GLIPR1L1: variants seen among roughly 807,000 people sequenced by gnomAD.
GLIPR1L1 encodes the protein GLIPR1-like protein 1.
GLIPR1L1 carries 26 observed loss-of-function variants against 29.9 expected under a neutral mutation model. The ratio of observed to expected loss-of-function variants is 0.87; its 90% CI spans 0.64 to 1.21. The LOEUF (loss-of-function observed/expected upper bound fraction) is 1.21, where lower values mean the gene tolerates loss of function less well. GLIPR1L1 is among the 50% of genes most tolerant of loss of function. GLIPR1L1 has a pLI of 0.00. For synonymous variants in GLIPR1L1, 77 were observed against 97.5 expected (o/e 0.79, Z 1.24); for missense variants, 305 against 290.3 (o/e 1.05, Z -0.37).
chr12:75,370,050 CTT>C (rs771237252), intron 5 of GLIPR1L1, 33 bp from the exon 6 acceptor site: 187 of 1,375,170 alleles, frequency 1.4e-4, no homozygotes, highest in Non-Finnish European at 3.0e-5. Context: ...CAATTGAACT[CTT>C]AACTATTCTG....
intron 1 of GLIPR1L1, among the ~76,000 whole-genome samples, chr12:75,341,974 C>A (rs1310643179): frequency 2.0e-5 from 3 of 152,038 alleles, no homozygotes; most frequent in African/African-American, 4.8e-5. Flanking sequence ...ATCTCCTGAC[C>A]TCAGGTGATC....
chr12:75,357,086 A>T (rs1209486460), intron 3 of GLIPR1L1, among the ~76,000 whole-genome samples: 1 of 152,302 alleles, frequency 6.6e-6, no homozygotes, highest in African/African-American at 2.4e-5. Flanking sequence ...GTTACTCAGG[A>T]GGCTGAGGTG....
chr12:75,362,251 C>A (rs1187246723), intron 3 of GLIPR1L1, among the ~76,000 whole-genome samples: 3 of 152,062 alleles, frequency 2.0e-5, no homozygotes, highest in Non-Finnish European at 2.9e-5. Flanking sequence ...CAAATACACA[C>A]ATTAAAATGC....
chr12:75,350,229 A>G (rs1285110537), intron 3 of GLIPR1L1, among the ~76,000 whole-genome samples: 1 of 152,214 alleles, frequency 6.6e-6, no homozygotes, highest in Non-Finnish European at 1.5e-5. Context: ...TTATGGACAG[A>G]TCTCTGATTT....
At chr12:75,348,916 C>T (rs963378943) in intron 3 of GLIPR1L1, among the ~76,000 whole-genome samples, 1 of 152,156 alleles carries the variant, frequency 6.6e-6, no homozygotes, top group East Asian at 1.9e-4. Flanking sequence ...ATTCCCCCAG[C>T]TTCCTGTCTC....
chr12:75,364,922 C>CAG (rs1295835933), intron 4 of GLIPR1L1: 1 of 152,078 alleles, frequency 6.6e-6, no homozygotes, highest in African/African-American at 2.4e-5. Context: ...TTTAATTCTA[C>CAG]AGGAATCAGC....
chr12:75,359,365 T>C (rs2043404225), intron 3 of GLIPR1L1, among the ~76,000 whole-genome samples: 1 of 134,438 alleles, frequency 7.4e-6, no homozygotes, highest in Non-Finnish European at 1.6e-5. Context: ...GTCTTTTTTT[T>C]TTTTTTTTTT....
At chr12:75,344,267 A>G (rs1220873583) in intron 2 of GLIPR1L1, among the ~76,000 whole-genome samples, 1 of 152,066 alleles carries the variant, frequency 6.6e-6, no homozygotes, top group East Asian at 1.9e-4. Flanking sequence ...TTACTCATGT[A>G]GAAAGCCACT....
intron 4 of GLIPR1L1, among the ~76,000 whole-genome samples, chr12:75,366,623 T>A (rs1395615340): frequency 3.3e-5 from 5 of 151,278 alleles, no homozygotes; most frequent in Non-Finnish European, 7.4e-5. Flanking sequence ...TTGTCTTTCC[T>A]CTTCTTCAGA....
intron 3 of GLIPR1L1, among the ~76,000 whole-genome samples, chr12:75,356,271 C>A (rs777360767): frequency 6.6e-6 from 1 of 152,060 alleles, no homozygotes; most frequent in Non-Finnish European, 1.5e-5. Flanking sequence ...ATTCTATACA[C>A]AGAAAATCTT....
At chr12:75,361,091 G>A (rs2043553977) in intron 3 of GLIPR1L1, 1 of 152,118 alleles carries the variant, frequency 6.6e-6, no homozygotes. Context: ...TGGCAGGAAG[G>A]GGATGGTTCC....
chr12:75,364,807 T>C (rs1017862074), intron 4 of GLIPR1L1: 1 of 152,160 alleles, frequency 6.6e-6, no homozygotes, highest in African/African-American at 2.4e-5. Context: ...CCAAGGTGTC[T>C]GATAAAAATT....
chr12:75,344,168 T>A (rs191110524), intron 2 of GLIPR1L1, among the ~76,000 whole-genome samples: 12 of 152,216 alleles, frequency 7.9e-5, no homozygotes, highest in African/African-American at 2.9e-4. Context: ...TAAATCAAAT[T>A]TAGAAGAATG....
intron 3 of GLIPR1L1, among the ~76,000 whole-genome samples, chr12:75,352,697 T>C (rs2042893588): frequency 6.6e-6 from 1 of 152,184 alleles, no homozygotes; most frequent in South Asian, 2.1e-4. Flanking sequence ...CAACAGAATA[T>C]ACATTCTTCT....
intron 4 of GLIPR1L1, 79 bp from the exon 5 acceptor site, chr12:75,369,881 T>A: frequency 7.5e-7 from 1 of 1,340,364 alleles, no homozygotes; most frequent in Non-Finnish European, 9.7e-7. Context: ...ATTGTCTTAT[T>A]CTAAAAGCCA....
In GLIPR1L1 at chr12:75,339,814, A is replaced by G. The variant is rs1158770686; in HGVS notation, c.175-3879A>G. Among the ~76,000 whole-genome samples, 3 of 152,158 alleles carry G rather than the reference A, an allele frequency of 2.0e-5. No homozygotes were observed. In the South Asian group the frequency reaches 6.2e-4, roughly 32 times the overall value. ...TTCAATTTTCTGCATATGGCTAGCC[A>G]GTTCTCCCAGCGGAAAAGTTATTTA... On this transcript the variant is annotated intron_variant, in intron 1 of 5. Transcript: ENST00000378695.
intron 3 of GLIPR1L1, among the ~76,000 whole-genome samples, chr12:75,355,849 C>T (rs1344544890): frequency 6.6e-6 from 1 of 152,112 alleles, no homozygotes; most frequent in Non-Finnish European, 1.5e-5. Context: ...GAGCTAGAAG[C>T]TATTATTCTT....
chr12:75,334,679 G>A lies in GLIPR1L1; in HGVS notation c.-50G>A, dbSNP rs977629136. On this transcript the variant is annotated 5_prime_UTR_variant, in exon 1 of 6. Coordinates refer to ENST00000378695, the MANE Select transcript of GLIPR1L1 (RefSeq NM_001304964.2). The stretch of plus-strand genomic sequence containing the variant: ...GTGGGGAAATCGGGTTGCCCCAGCC[G>A]TTACTGGTCCGCGCAGTCAGGGCAT... 6.3e-7 allele frequency: 1 copy of A among 1,577,988 alleles called. No individual in the cohort carries two copies. Among genetic ancestry groups the A allele is most frequent in the Non-Finnish European group, 8.6e-7 (1 of 1,161,848 alleles).
intron 4 of GLIPR1L1, chr12:75,365,139 A>G (rs575985057): frequency 2.0e-5 from 3 of 152,280 alleles, no homozygotes; most frequent in Admixed American, 1.3e-4. Context: ...AGGTGCTTGT[A>G]TAGTTTTAGC....
Sources: gnomAD v4.1 joint callset for allele counts (sites outside exome capture counted in the v4.1 genomes callset) on GRCh38, gnomAD v4.1.1 for gene constraint, MANE v1.5 for transcripts, NCBI Gene and HGNC (gene_info 2026-07-23, HGNC 2026-07-21) for gene names.